EPS15: variants seen among roughly 807,000 people sequenced by gnomAD.
EPS15 encodes the protein epidermal growth factor receptor pathway substrate 15.
EPS15 carries 72 observed loss-of-function variants against 113.8 expected under a neutral mutation model. That is an observed-to-expected ratio of 0.63 (90% CI 0.52 to 0.77). The LOEUF (loss-of-function observed/expected upper bound fraction) is 0.77, where lower values mean the gene tolerates loss of function less well. Ranked by LOEUF, EPS15 falls within the 30% of genes least tolerant of loss-of-function variation. The pLI is 0.00. For synonymous variants in EPS15, 344 were observed against 363.4 expected (o/e 0.95, Z 0.61); for missense variants, 1,048 against 1,045.8 (o/e 1.00, Z -0.03).
At chr1:51,398,505 G>A (rs905200247) in intron 20 of EPS15, among the ~76,000 whole-genome samples, 2 of 151,952 alleles carry the variant, frequency 1.3e-5, no homozygotes, top group African/African-American at 2.4e-5. Flanking sequence ...AACAATGAAT[G>A]TAAAGCACAC....
intron 13 of EPS15, among the ~76,000 whole-genome samples, chr1:51,419,095 CA>C (rs1650510077): frequency 1.3e-5 from 2 of 152,048 alleles, no homozygotes; most frequent in South Asian, 4.1e-4. Flanking sequence ...AAAAACAAAA[CA>C]AAAAATACAC....
chr1:51,364,460 A>C (rs187131396), intron 22 of EPS15, among the ~76,000 whole-genome samples: 1 of 152,246 alleles, frequency 6.6e-6, no homozygotes, highest in East Asian at 1.9e-4. Context: ...ATGCAAGGAA[A>C]ATGGCATCTT....
At chr1:51,414,145 C>T (rs929296159) in intron 13 of EPS15, among the ~76,000 whole-genome samples, 33 of 152,292 alleles carry the variant, frequency 2.2e-4, no homozygotes, top group Non-Finnish European at 2.4e-4. Context: ...GGCAAAGTGG[C>T]TCATGCCTGT....
At chr1:51,381,541 T>C (rs111550988) in intron 21 of EPS15, among the ~76,000 whole-genome samples, 4,581 of 152,188 alleles carry the variant, frequency 0.03, 76 homozygotes, top group African/African-American at 0.05. Context: ...TGCAGTGAGC[T>C]GAGATCGCGC....
intron 1 of EPS15, among the ~76,000 whole-genome samples, chr1:51,484,356 G>A (rs1285396479): frequency 6.6e-6 from 1 of 151,980 alleles, no homozygotes; most frequent in African/African-American, 2.4e-5. Flanking sequence ...GAAACCAGGA[G>A]TTTGAGACCA....
Position 51,494,387 on chromosome 1 carries a change from C to T in EPS15, c.34-13073G>A, listed in dbSNP as rs989969593. Reference sequence around the variant, plus strand: ...GCCCTCTCTATTTTACTTTCTCTTCCACCTTATTCAGTTTAGATTCTACAA... The same window carrying T: ...GCCCTCTCTATTTTACTTTCTCTTCTACCTTATTCAGTTTAGATTCTACAA... On this transcript the variant is annotated intron_variant, in intron 1 of 24. Coordinates refer to ENST00000371733, the MANE Select transcript of EPS15 (RefSeq NM_001981.3). Among the ~76,000 whole-genome samples, 11 of 152,202 alleles carry T rather than the reference C, an allele frequency of 7.2e-5. 1 individual carries two copies. Among genetic ancestry groups the T allele is most frequent in the African/African-American group, 2.7e-4 (11 of 41,448 alleles).
In EPS15 at chr1:51,356,856, A is replaced by G; in HGVS notation, c.2545-10T>C. The G allele has an allele frequency of 6.2e-7, 1 of 1,601,170 alleles. No individual in the cohort carries two copies. The highest frequency in any genetic ancestry group is 8.5e-7 in the Non-Finnish European group (1 of 1,175,854). On this transcript the variant is annotated splice_polypyrimidine_tract_variant and intron_variant, in intron 24 of 24. Transcript: ENST00000371733. ...CTTCTTCAGAGGGATACTGCCATTTAAAAGATCGATGAACAAACGAATAAA... is the reference window on the plus strand; with the variant it reads ...CTTCTTCAGAGGGATACTGCCATTTGAAAGATCGATGAACAAACGAATAAA...
chr1:51,363,418 A>C (rs1420095386), intron 23 of EPS15, among the ~76,000 whole-genome samples: 2 of 152,140 alleles, frequency 1.3e-5, no homozygotes, highest in African/African-American at 4.8e-5. Context: ...AAGAGGCCAT[A>C]TATTCTCACA....
intron 1 of EPS15, among the ~76,000 whole-genome samples, chr1:51,492,789 T>A (rs1644258032): frequency 6.6e-6 from 1 of 151,986 alleles, no homozygotes; most frequent in Non-Finnish European, 1.5e-5. Context: ...TTTATAAAAA[T>A]CCTCTCACCT....
At chr1:51,477,950 T>A (rs1189171528) in intron 2 of EPS15, among the ~76,000 whole-genome samples, 1 of 152,200 alleles carries the variant, frequency 6.6e-6, no homozygotes, top group Non-Finnish European at 1.5e-5. Flanking sequence ...GGTGGAGAGT[T>A]CTGTAGAGGT....
rs34704431 is a variant in EPS15, at chr1:51,447,088, T to G, written c.669A>C (p.Ala223=). ...AGATTTCATCATATTTAGCTTTTTC[T>G]GCAGGGGATACAACCCACTACAGGG... ...SKRKTWVVSP[A]EKAKYDEIFL... is the part of the protein sequence containing the mutation. The change falls in exon 10 of 25, where the codon GCA becomes GCC. Residue 223 remains alanine, a synonymous_variant. Transcript: ENST00000371733. 0.033 allele frequency: 53,713 copies of G among 1,612,998 alleles called. 1,217 individuals carry two copies. Among genetic ancestry groups the G allele is most frequent in the African/African-American group, 0.084 (6,295 of 74,954 alleles).
chr1:51,376,009 T>C (rs920915513), intron 21 of EPS15, among the ~76,000 whole-genome samples: 2 of 152,228 alleles, frequency 1.3e-5, no homozygotes, highest in Non-Finnish European at 2.9e-5. Flanking sequence ...GCTTAGATAA[T>C]TGATCTATAA....
At chr1:51,402,634 C>A (rs760009684) in intron 17 of EPS15, 109 bp from the exon 18 acceptor site, 4 of 580,154 alleles carry the variant, frequency 6.9e-6, no homozygotes, top group South Asian at 4.9e-5. Context: ...TTTGAAAAAT[C>A]AACTGATGGG....
At chr1:51,393,457 T>G (rs1322592496) in intron 21 of EPS15, among the ~76,000 whole-genome samples, 1 of 152,228 alleles carries the variant, frequency 6.6e-6, no homozygotes, top group East Asian at 1.9e-4. Flanking sequence ...CTGCCTTGGT[T>G]TCCCAAAATG....
chr1:51,508,317 AGAAAGAGAGAAAGAGAAAGAG>A (rs1644549267), intron 1 of EPS15, among the ~76,000 whole-genome samples: 1 of 129,578 alleles, frequency 7.7e-6, no homozygotes, highest in Non-Finnish European at 1.7e-5. Context: ...AGAGAAAGAG[AGAAAGAGAGAAAGAGAAAGAG>A]AGAAAGAAAG....
chr1:51,410,608 C>T (rs1044011567), intron 13 of EPS15, among the ~76,000 whole-genome samples: 2 of 152,154 alleles, frequency 1.3e-5, no homozygotes, highest in Admixed American at 6.5e-5. Context: ...AAAAGCCAGG[C>T]GCAGTGGCTC....
chr1:51,396,637 G>A (rs1429630512), intron 20 of EPS15, among the ~76,000 whole-genome samples: 5 of 152,140 alleles, frequency 3.3e-5, no homozygotes, highest in South Asian at 2.1e-4. Flanking sequence ...GTCAGGTTTA[G>A]TTTCTAGTCC....
At chr1:51,433,062 T>A (rs928733986) in intron 12 of EPS15, among the ~76,000 whole-genome samples, 16 of 152,206 alleles carry the variant, frequency 1.1e-4, no homozygotes, top group African/African-American at 3.9e-4. Flanking sequence ...AAACATAGAA[T>A]TTTTAAAAAT....
chr1:51,517,747 G>C (rs1398627350), intron 1 of EPS15, among the ~76,000 whole-genome samples: 2 of 146,818 alleles, frequency 1.4e-5, no homozygotes, highest in Non-Finnish European at 3.0e-5. Context: ...CTGCTTGTCA[G>C]AACAGGACAA....
Sources: gnomAD v4.1 joint callset for allele counts (sites outside exome capture counted in the v4.1 genomes callset) on GRCh38, gnomAD v4.1.1 for gene constraint, MANE v1.5 for transcripts, NCBI Gene and HGNC (gene_info 2026-07-23, HGNC 2026-07-21) for gene names.